The following TCERG1 variants were observed in gnomAD, a reference collection of about 807,000 sequenced individuals.
TCERG1 encodes transcription elongation regulator 1, also known as TATA box binding protein (TBP)-associated factor, RNA polymerase II, S, 150kD.
A neutral mutation model predicts 144.7 loss-of-function variants in TCERG1; 37 were observed. The ratio of observed to expected loss-of-function variants is 0.26; its 90% CI spans 0.20 to 0.34. The LOEUF is 0.34. TCERG1 is among the 10% of genes least tolerant of loss of function. TCERG1 has a pLI of 1.00. For missense variants in TCERG1, 1,027 were observed against 1,380.7 expected (o/e 0.74, Z 4.06); for synonymous variants, 492 against 458.2 (o/e 1.07, Z -0.94).
chr5:146,507,822 C>T lies in TCERG1; in HGVS notation c.2962-51C>T. On this transcript the variant is annotated intron_variant, in intron 20 of 22. Transcript: ENST00000679501. This position sits in a 1 kb window ranked among gnomAD's most constrained non-coding sequence, Gnocchi z 4.6. ...GTACCTATGTGCTGCAGTTTGACTC[C>T]CTAAGTAAAAGTGAGTTGTATTTAT... is the stretch of plus-strand genomic sequence containing the variant. The T allele has an allele frequency of 7.5e-7, 1 of 1,334,880 alleles. No individual in the cohort carries two copies. The allele number at this position is 1,334,880 out of a possible 1,614,324, so 82.7% of individuals were successfully genotyped here. A position where few individuals can be genotyped will look rare whatever the true frequency, so the allele number is the denominator to read the frequency against.
In TCERG1 at chr5:146,471,565, T is replaced by G. The variant is rs750276094; in HGVS notation, c.1590T>G (p.Pro530=). ...KAKPVATAPI[P]GTPWCVVWTG... ...AGCCAGTTGCTACTGCTCCTATTCC[T>G]GGTACTCCATGGTATGTATTTGGCT... is the stretch of plus-strand genomic sequence containing the variant. The change falls in exon 9 of 23, where the codon CCT becomes CCG. Residue 530 remains proline (P), a synonymous_variant. Transcript: ENST00000679501. 1.4e-5 allele frequency: 23 copies of G among 1,611,794 alleles called. No individual in the cohort carries two copies. Among genetic ancestry groups the G allele is most frequent in the Non-Finnish European group, 2.0e-5 (23 of 1,179,178 alleles).
At chr5:146,470,034 A>G (rs1294768249) in intron 7 of TCERG1, among the ~76,000 whole-genome samples, 3 of 152,120 alleles carry the variant, frequency 2.0e-5, no homozygotes, top group Non-Finnish European at 4.4e-5. Flanking sequence ...AATTATTGTA[A>G]TCATCATTGA....
intron 1 of TCERG1, among the ~76,000 whole-genome samples, chr5:146,448,408 T>C (rs564901158): frequency 6.6e-6 from 1 of 152,320 alleles, no homozygotes; most frequent in South Asian, 2.1e-4. Context: ...AGAAATCTTT[T>C]GGTCAGTGGT....
chr5:146,470,984 G>T (rs1303476409), intron 8 of TCERG1, among the ~76,000 whole-genome samples: 1 of 152,160 alleles, frequency 6.6e-6, no homozygotes, highest in Admixed American at 6.5e-5. Context: ...GCTTGGACCT[G>T]ATCTCTAACC....
chr5:146,468,280 C>G (rs1218427293), intron 5 of TCERG1, 61 bp from the exon 6 acceptor site: 1 of 1,294,278 alleles, frequency 7.7e-7, no homozygotes, highest in African/African-American at 1.5e-5. Flanking sequence ...TCCCTGAATC[C>G]CAGTGGTAGC....
intron 15 of TCERG1, among the ~76,000 whole-genome samples, chr5:146,490,210 A>C (rs1439475744): frequency 1.3e-5 from 2 of 152,182 alleles, no homozygotes; most frequent in African/African-American, 4.8e-5. Flanking sequence ...TCAGGTAATC[A>C]CAGATATGGT....
chr5:146,502,254 G>A (rs1767547678), intron 17 of TCERG1, among the ~76,000 whole-genome samples: 1 of 152,136 alleles, frequency 6.6e-6, no homozygotes, highest in Non-Finnish European at 1.5e-5. Context: ...AGACTAGGCA[G>A]AAGGAATGAT....
intron 1 of TCERG1, among the ~76,000 whole-genome samples, chr5:146,448,709 A>G (rs1416974788): frequency 6.6e-6 from 1 of 152,168 alleles, no homozygotes; most frequent in Non-Finnish European, 1.5e-5. Context: ...CAGAAATGAA[A>G]TTTTGTTTTA....
chr5:146,503,835 A>G lies in TCERG1; in HGVS notation c.2610A>G (p.Ser870=). The G allele has an allele frequency of 6.3e-7, 1 of 1,586,956 alleles. No homozygotes were observed. ...YIEKIAKNLD[S]EKEKELERQA... ...TTTTGCTTTTACAGAATTTAGACTC[A>G]GAAAAAGAAAAGGAGCTTGAAAGGC... is the stretch of plus-strand genomic sequence containing the variant. The change falls in exon 19 of 23, where the codon TCA becomes TCG. Residue 870 remains serine, a synonymous_variant. Transcript: ENST00000679501.
intron 1 of TCERG1, among the ~76,000 whole-genome samples, chr5:146,451,819 G>T (rs1401930018): frequency 2.7e-5 from 4 of 147,490 alleles, no homozygotes; most frequent in Non-Finnish European, 6.0e-5. Flanking sequence ...CTTGAGTCTC[G>T]CTCTCTTGCC....
At chr5:146,457,889 G>A (rs945640712) in intron 3 of TCERG1, among the ~76,000 whole-genome samples, 5 of 152,168 alleles carry the variant, frequency 3.3e-5, no homozygotes, top group Non-Finnish European at 5.9e-5. Flanking sequence ...TCACCCTGTC[G>A]CCCAGGCTAG....
chr5:146,499,570 G>A (rs1767246201), intron 17 of TCERG1: 2 of 152,112 alleles, frequency 1.3e-5, no homozygotes, highest in African/African-American at 4.8e-5. Context: ...AAATGATTAT[G>A]CTTCTCAGAG....
chr5:146,494,173 G>C (rs769057943), intron 16 of TCERG1, among the ~76,000 whole-genome samples: 3 of 152,030 alleles, frequency 2.0e-5, no homozygotes, highest in Non-Finnish European at 4.4e-5. Context: ...TTGAGTCTCT[G>C]TTATAAAAGA....
chr5:146,503,361 G>C lies in TCERG1; in HGVS notation c.2434-14G>C. ...TATTTTCCCTCCCATCCCACTACCT[G>C]TTTTAAAATACAGATTAAATCGGAT... On this transcript the variant is annotated splice_polypyrimidine_tract_variant and intron_variant, in intron 17 of 22. Transcript: ENST00000679501. The C allele has an allele frequency of 6.2e-7, 1 of 1,609,010 alleles. No homozygotes were observed.
At chr5:146,479,834 T>C in intron 10 of TCERG1, 21 bp from the exon 11 acceptor site, 1 of 1,613,026 alleles carries the variant, frequency 6.2e-7, no homozygotes, top group South Asian at 1.1e-5. Context: ...TTTGTAACAA[T>C]ATTTGAAATG....
rs1767799952 is a variant in TCERG1, at chr5:146,504,849, C to G, written c.2781+843C>G. On this transcript the variant is annotated intron_variant, in intron 19 of 22. Transcript: ENST00000679501. ...ATCACTTGGGGTCAGGAGTTCAAGA[C>G]TAGGCTGGCCAACATGGCGAAACCC... Among the ~76,000 whole-genome samples the G allele has an allele frequency of 2.6e-5, 4 of 152,256 alleles. No individual in the cohort carries two copies. The South Asian group carries it at 8.3e-4, about 32-fold the overall frequency.
chr5:146,474,964 C>G (rs931381173), intron 9 of TCERG1, among the ~76,000 whole-genome samples: 1 of 152,062 alleles, frequency 6.6e-6, no homozygotes, highest in Non-Finnish European at 1.5e-5. Context: ...CCACAATATC[C>G]GAGGTACGCC....
In TCERG1 at chr5:146,461,335, C is replaced by T. The variant is rs920256075; in HGVS notation, c.892+1998C>T. On this transcript the variant is annotated intron_variant, in intron 4 of 22. Coordinates refer to ENST00000679501, the MANE Select transcript of TCERG1 (RefSeq NM_001382548.1). ...TTTAGTATCATAAAGTGTTGTCTTA[C>T]TGCAATCTTAATATTTCTCCATCTA... 3.3e-5 allele frequency among the ~76,000 whole-genome samples: 5 copies of T among 152,084 alleles called. No individual in the cohort carries two copies. In the South Asian group the frequency reaches 1.0e-3, roughly 31 times the overall value.
intron 17 of TCERG1, among the ~76,000 whole-genome samples, chr5:146,501,680 A>G (rs1767464108): frequency 6.6e-6 from 1 of 152,180 alleles, no homozygotes; most frequent in Non-Finnish European, 1.5e-5. Context: ...GAAAAATTTA[A>G]GTTACATCAC....
Sources: allele counts gnomAD v4.1 joint callset (sites outside exome capture counted in the v4.1 genomes callset), GRCh38; gene constraint gnomAD v4.1.1; non-coding constraint Gnocchi (gnomAD v3.1); transcripts MANE v1.5; gene names NCBI Gene and HGNC (gene_info 2026-07-23, HGNC 2026-07-21).